Variants in NADSYN1 observed in about 807,000 individuals in gnomAD.
NADSYN1 encodes NAD synthetase 1.
NADSYN1 carries 80 observed loss-of-function variants against 99.3 expected under a neutral mutation model. The observed-to-expected ratio is 0.81, with a 90% confidence interval of 0.67 to 0.97. The LOEUF is 0.97. NADSYN1 is among the 50% of genes least tolerant of loss of function. The probability of loss-of-function intolerance (pLI) is 0.00; values close to 1 mark genes in which losing one functional copy is unlikely to be tolerated. For missense variants in NADSYN1, 859 were observed against 948.5 expected (o/e 0.91, Z 1.24); for synonymous variants, 385 against 372.1 (o/e 1.03, Z -0.40).
Position 71,498,383 on chromosome 11 carries a change from A to T in NADSYN1, c.1925A>T (p.Lys642Met). The T allele has an allele frequency of 6.2e-7, 1 of 1,614,220 alleles. No homozygotes were observed. Among genetic ancestry groups the T allele is most frequent in the Non-Finnish European group, 8.5e-7 (1 of 1,180,044 alleles). The change falls in exon 20 of 21, where the codon AAG (lysine) becomes ATG (methionine). Residue 642 changes from lysine to methionine, a missense_variant. Coordinates refer to ENST00000319023, the MANE Select transcript of NADSYN1 (RefSeq NM_018161.5). Reference sequence around the variant, plus strand: ...GACAAAGTGAAGCGGTTTTTCTCCAAGTACTCCATGAACAGACACAAGATG... The same window carrying T: ...GACAAAGTGAAGCGGTTTTTCTCCATGTACTCCATGAACAGACACAAGATG... ...VADKVKRFFS[K>M]YSMNRHKMTT... is the part of the protein sequence containing the mutation.
intron 16 of NADSYN1, 36 bp from the exon 17 acceptor site, chr11:71,490,809 C>T: frequency 6.2e-7 from 1 of 1,611,688 alleles, no homozygotes; most frequent in Non-Finnish European, 8.5e-7. Flanking sequence ...TCTGCGGCCC[C>T]TTGGGAACCC....
intron 1 of NADSYN1, among the ~76,000 whole-genome samples, chr11:71,454,121 G>A (rs1949498046): frequency 1.3e-5 from 2 of 152,206 alleles, no homozygotes; most frequent in South Asian, 2.1e-4. Flanking sequence ...GTCTTGCACT[G>A]GTCTGCTGAC....
Position 71,482,117 on chromosome 11 carries a change from C to T in NADSYN1, c.1150+92C>T, listed in dbSNP as rs143737638. ...CCTAGGAGGGGGCAGAGGAAACACC[C>T]GTGCCATGGACATCGGGGTGAAGGG... On this transcript the variant is annotated intron_variant, in intron 13 of 20. Coordinates refer to ENST00000319023, the MANE Select transcript of NADSYN1 (RefSeq NM_018161.5). The T allele has an allele frequency of 7.7e-4, 881 of 1,144,702 alleles. 4 individuals are homozygous for T. In the African/African-American group the frequency reaches 0.012, roughly 16 times the overall value. 70.9% of individuals were successfully genotyped at this position (1,144,702 alleles called of 1,614,324 possible).
Position 71,478,482 on chromosome 11 carries a change from G to A in NADSYN1, c.873+13G>A. 1 of 1,590,042 alleles carries A rather than the reference G, an allele frequency of 6.3e-7. No individual in the cohort carries two copies. The highest frequency in any genetic ancestry group is 8.6e-7 in the Non-Finnish European group (1 of 1,167,432). On this transcript the variant is annotated intron_variant, in intron 10 of 20. Transcript: ENST00000319023. The stretch of plus-strand genomic sequence containing the variant: ...TCGAAACCTGGCGGTGAGTGCTCCA[G>A]TAGACACCTGTGTGGGATGCTCATC...
intron 20 of NADSYN1, chr11:71,499,090 G>A (rs1264424634): frequency 2.0e-5 from 3 of 153,126 alleles, no homozygotes; most frequent in Non-Finnish European, 4.4e-5. Flanking sequence ...GTTCATGTAG[G>A]TTCATCCGTA....
chr11:71,473,114 G>A (rs1366210444), intron 6 of NADSYN1, among the ~76,000 whole-genome samples, 164 bp from the exon 7 acceptor site: 3 of 152,200 alleles, frequency 2.0e-5, no homozygotes, highest in East Asian at 3.9e-4. Flanking sequence ...GGCACCACCC[G>A]GTGTCCCATG....
chr11:71,486,423 T>C (rs1320767914), intron 16 of NADSYN1, among the ~76,000 whole-genome samples: 1 of 151,340 alleles, frequency 6.6e-6, no homozygotes, highest in Non-Finnish European at 1.5e-5. Context: ...GTCCATCCAT[T>C]CATCCATCCA....
intron 11 of NADSYN1, 29 bp from the exon 12 acceptor site, chr11:71,481,327 C>G: frequency 1.2e-6 from 2 of 1,613,136 alleles, no homozygotes; most frequent in Non-Finnish European, 1.7e-6. Context: ...GCCACCGCCT[C>G]CGGGCTCCAT....
intron 18 of NADSYN1, among the ~76,000 whole-genome samples, chr11:71,493,057 T>C (rs1363318881): frequency 6.6e-6 from 1 of 151,970 alleles, no homozygotes; most frequent in East Asian, 1.9e-4. Context: ...CTCGCTAAGT[T>C]TTTTGTATTT....
chr11:71,481,732 G>T lies in NADSYN1; in HGVS notation c.1048-191G>T, dbSNP rs989224168. On this transcript the variant is annotated intron_variant, in intron 12 of 20. Coordinates refer to ENST00000319023, the MANE Select transcript of NADSYN1 (RefSeq NM_018161.5). ...CCTCTGACACGCCCCGCAGTGAAGTGTCTTTTTTCCCTCTGAAAAATCCAT... is the reference window on the plus strand; with the variant it reads ...CCTCTGACACGCCCCGCAGTGAAGTTTCTTTTTTCCCTCTGAAAAATCCAT... 19 of 611,512 alleles carry T rather than the reference G, an allele frequency of 3.1e-5. 1 individual carries two copies. The highest frequency in any genetic ancestry group is 1.3e-4 in the African/African-American group (7 of 54,132). The allele number at this position is 611,512 out of a possible 1,614,324, so 37.9% of individuals were successfully genotyped here.
chr11:71,478,073 G>T (rs1421174346), intron 9 of NADSYN1, among the ~76,000 whole-genome samples: 1 of 151,912 alleles, frequency 6.6e-6, no homozygotes, highest in Admixed American at 6.5e-5. Flanking sequence ...TGACATGGGG[G>T]TGTCTTACTG....
At chr11:71,486,441 A>G (rs974935787) in intron 16 of NADSYN1, among the ~76,000 whole-genome samples, 1 of 151,722 alleles carries the variant, frequency 6.6e-6, no homozygotes, top group Non-Finnish European at 1.5e-5. Flanking sequence ...CCATCCACCC[A>G]TCCACCCATC....
rs182498429 is a variant in NADSYN1, at chr11:71,461,274, C to T, written c.264-2158C>T. On this transcript the variant is annotated intron_variant, in intron 3 of 20. Transcript: ENST00000319023. ...ACTCCACTTAGAGATCAGATATTCA[C>T]GGAGGGCCCGTATTTTATTTAAAAC... 2.4e-4 allele frequency among the ~76,000 whole-genome samples: 37 copies of T among 152,212 alleles called. No individual in the cohort carries two copies. In the South Asian group the frequency reaches 3.5e-3, roughly 15 times the overall value.
intron 12 of NADSYN1, chr11:71,481,720 C>A (rs987126109): frequency 4.8e-5 from 29 of 605,922 alleles, no homozygotes; most frequent in Admixed American, 8.9e-5. Context: ...CTGACACGCC[C>A]CGCAGTGAAG....
intron 18 of NADSYN1, chr11:71,496,334 A>G (rs1020320472): frequency 2.0e-5 from 3 of 152,326 alleles, no homozygotes; most frequent in African/African-American, 7.2e-5. Flanking sequence ...TTTTCCACAA[A>G]CAGAGGGTTG....
chr11:71,458,900 C>T (rs995654454), intron 3 of NADSYN1: 38 of 247,170 alleles, frequency 1.5e-4, no homozygotes, highest in South Asian at 1.5e-3. Flanking sequence ...TGTTGCCACA[C>T]GGTTCCCATG....
At chr11:71,454,287 C>A (rs540477950) in intron 1 of NADSYN1, among the ~76,000 whole-genome samples, 2 of 152,350 alleles carry the variant, frequency 1.3e-5, no homozygotes, top group East Asian at 3.9e-4. Flanking sequence ...TCTTGGCTCA[C>A]TGCAGTCTCT....
chr11:71,475,007 G>A (rs1591128063), intron 9 of NADSYN1: 1 of 197,704 alleles, frequency 5.1e-6, no homozygotes. Context: ...GACGGCCCCC[G>A]CTGTGGGAGG....
chr11:71,498,351 G>C lies in NADSYN1; in HGVS notation c.1894-1G>C. 1 of 1,614,108 alleles carries C rather than the reference G, an allele frequency of 6.2e-7. No individual in the cohort carries two copies. The highest frequency in any genetic ancestry group is 8.5e-7 in the Non-Finnish European group (1 of 1,179,994). Reference sequence around the variant, plus strand: ...AAGCTCGTGTGTTGCACGCCCACCAGGTCGCTGACAAAGTGAAGCGGTTTT... The same window carrying C: ...AAGCTCGTGTGTTGCACGCCCACCACGTCGCTGACAAAGTGAAGCGGTTTT... On this transcript the variant is annotated splice_acceptor_variant, in intron 19 of 20. Coordinates refer to ENST00000319023, the MANE Select transcript of NADSYN1 (RefSeq NM_018161.5). LOFTEE classifies it high-confidence loss of function.
Sources: allele counts gnomAD v4.1 joint callset (sites outside exome capture counted in the v4.1 genomes callset), GRCh38; gene constraint gnomAD v4.1.1; transcripts MANE v1.5; gene names NCBI Gene and HGNC (gene_info 2026-07-23, HGNC 2026-07-21).